PPP2R2B: variants seen among roughly 807,000 people sequenced by gnomAD.
The protein encoded by PPP2R2B is serine/threonine-protein phosphatase 2A 55 kDa regulatory subunit B beta isoform.
PPP2R2B carries 5 observed loss-of-function variants against 46.0 expected under a neutral mutation model. The ratio of observed to expected loss-of-function variants is 0.11; its 90% CI spans 0.06 to 0.23. The LOEUF (loss-of-function observed/expected upper bound fraction) is 0.23. Among genes scored for constraint, PPP2R2B ranks in the 10% least tolerant of loss-of-function variants. The pLI is 1.00. For synonymous variants in PPP2R2B, 215 were observed against 206.7 expected (o/e 1.04, Z -0.34); for missense variants, 367 against 575.0 (o/e 0.64, Z 3.70).
At position 146,787,773 on chromosome 5, in the gene PPP2R2B, G is replaced by A. The variant is rs527795784; in HGVS notation, c.71-86631C>T. Among the ~76,000 whole-genome samples the A allele has an allele frequency of 3.3e-5, 5 of 152,104 alleles. No individual in the cohort carries two copies. In the South Asian group the frequency reaches 1.0e-3, roughly 32 times the overall value. ...AGTAAAGATGGGGTTTCACCATGTTGGTCAGGCTAGTCTCGAACTCCTGAC... is the reference window on the plus strand; with the variant it reads ...AGTAAAGATGGGGTTTCACCATGTTAGTCAGGCTAGTCTCGAACTCCTGAC... On this transcript the variant is annotated intron_variant, in intron 2 of 9. Transcript: ENST00000394411.
intron 1 of PPP2R2B, among the ~76,000 whole-genome samples, chr5:146,893,766 G>A (rs1371225617): frequency 4.6e-5 from 7 of 152,034 alleles, no homozygotes; most frequent in African/African-American, 1.7e-4. Flanking sequence ...TAATGCATGC[G>A]GGGCTTAAAA....
In PPP2R2B at chr5:146,840,746, T is replaced by C. The variant is rs1477493759; in HGVS notation, c.70+37256A>G. 3.3e-5 allele frequency among the ~76,000 whole-genome samples: 5 copies of C among 152,368 alleles called. No homozygotes were observed. In the South Asian group the frequency reaches 8.3e-4, roughly 25 times the overall value. ...TAATTACCAGCCAGCAAGTATAGTATATGTAGCATAGAAATCAAAGATATA... is the reference window on the plus strand; with the variant it reads ...TAATTACCAGCCAGCAAGTATAGTACATGTAGCATAGAAATCAAAGATATA... On this transcript the variant is annotated intron_variant, in intron 2 of 9. Coordinates refer to ENST00000394411, the MANE Select transcript of PPP2R2B (RefSeq NM_181675.4).
At chr5:147,018,513 T>C (rs1329938131) in intron 1 of PPP2R2B, among the ~76,000 whole-genome samples, 2 of 152,216 alleles carry the variant, frequency 1.3e-5, no homozygotes, top group Non-Finnish European at 2.9e-5. Flanking sequence ...GAAAATCAAA[T>C]ATATTTGTCA....
chr5:146,962,849 C>T (rs1303679540), intron 1 of PPP2R2B, among the ~76,000 whole-genome samples: 1 of 152,066 alleles, frequency 6.6e-6, no homozygotes, highest in Non-Finnish European at 1.5e-5. Flanking sequence ...TGACTTCAAA[C>T]TCATTTTTAT....
chr5:146,984,499 GAC>G (rs879557584), intron 1 of PPP2R2B, among the ~76,000 whole-genome samples: 1 of 152,158 alleles, frequency 6.6e-6, no homozygotes, highest in Non-Finnish European at 1.5e-5. Context: ...TGGACACTTA[GAC>G]TGATTCCATA....
chr5:147,074,220 C>G (rs2151912140), intron 2 of PPP2R2B, among the ~76,000 whole-genome samples: 1 of 152,178 alleles, frequency 6.6e-6, no homozygotes, highest in South Asian at 2.1e-4. Context: ...CCTAAGGTCA[C>G]TAAGTGGGTA....
At position 146,639,206 on chromosome 5, in the gene PPP2R2B, T is replaced by C. The variant is rs1049812314; in HGVS notation, c.626-791A>G. ...TCTCATGTATGATATATAAGACTTC[T>C]AGTCTCTGTAAGTTGTGATCTGCTT... On this transcript the variant is annotated intron_variant, in intron 6 of 9. Transcript: ENST00000394411. Among the ~76,000 whole-genome samples the C allele has an allele frequency of 3.3e-5, 5 of 152,346 alleles. No individual in the cohort carries two copies. The South Asian group carries it at 8.3e-4, about 25-fold the overall frequency.
chr5:147,035,157 T>A (rs961824893), intron 1 of PPP2R2B: 3 of 454,576 alleles, frequency 6.6e-6, no homozygotes, highest in Middle Eastern at 3.3e-4. Context: ...AAGAAAAGTT[T>A]AATTGACTCA....
chr5:146,673,971 T>C (rs1181629527), intron 5 of PPP2R2B, among the ~76,000 whole-genome samples: 1 of 152,184 alleles, frequency 6.6e-6, no homozygotes, highest in African/African-American at 2.4e-5. Context: ...TTGAGGTCAG[T>C]ATGTCTTAGG....
chr5:146,700,962 G>T, intron 3 of PPP2R2B, 83 bp downstream of exon 3: 1 of 1,253,442 alleles, frequency 8.0e-7, no homozygotes, highest in Non-Finnish European at 1.2e-6. Context: ...AAGGTTAAGG[G>T]CGACACATAA....
intron 1 of PPP2R2B, among the ~76,000 whole-genome samples, chr5:146,962,613 C>T (rs567066532): frequency 2.6e-5 from 4 of 151,860 alleles, no homozygotes; most frequent in African/African-American, 9.7e-5. Flanking sequence ...GCCAAGATCA[C>T]GCCATTGCAC....
intron 7 of PPP2R2B, among the ~76,000 whole-genome samples, chr5:146,606,817 C>T (rs188359313): frequency 2.7e-4 from 41 of 152,268 alleles, no homozygotes; most frequent in Non-Finnish European, 3.4e-4. Context: ...ATGTCACCCC[C>T]ACCCTGGCTG....
intron 2 of PPP2R2B, among the ~76,000 whole-genome samples, chr5:147,080,223 G>A (rs1757934090): frequency 6.6e-6 from 1 of 152,192 alleles, no homozygotes; most frequent in African/African-American, 2.4e-5. Flanking sequence ...GTTAGTTTGA[G>A]TATAGTGTTC....
At chr5:146,792,129 G>C (rs1189757084) in intron 2 of PPP2R2B, among the ~76,000 whole-genome samples, 1 of 152,170 alleles carries the variant, frequency 6.6e-6, no homozygotes, top group Non-Finnish European at 1.5e-5. Context: ...AGAGGACAGA[G>C]ACTATTGAAC....
intron 5 of PPP2R2B, among the ~76,000 whole-genome samples, chr5:146,655,795 A>G (rs983032900): frequency 6.6e-6 from 1 of 151,470 alleles, no homozygotes; most frequent in Non-Finnish European, 1.5e-5. Flanking sequence ...CCCAGGCCGT[A>G]TGAACCAAAC....
At chr5:146,759,457 G>T (rs1371312141) in intron 2 of PPP2R2B, among the ~76,000 whole-genome samples, 3 of 152,164 alleles carry the variant, frequency 2.0e-5, no homozygotes, top group African/African-American at 7.2e-5. Context: ...GCACATTACT[G>T]ACATGTTTAG....
At chr5:147,067,422 G>C (rs1757446766) in intron 2 of PPP2R2B, among the ~76,000 whole-genome samples, 1 of 152,046 alleles carries the variant, frequency 6.6e-6, no homozygotes, top group Non-Finnish European at 1.5e-5. Flanking sequence ...GCCTTTCTGT[G>C]CCTGTCTTGC....
chr5:146,585,649 T>C lies in PPP2R2B; in HGVS notation c.*4298A>G, dbSNP rs1482293707. 2 of 152,216 alleles carry C rather than the reference T, an allele frequency of 1.3e-5. No homozygotes were observed. Among genetic ancestry groups the C allele is most frequent in the Non-Finnish European group, 2.9e-5 (2 of 68,034 alleles). The allele number at this position is 152,216 out of a possible 1,614,324, so 9.4% of individuals were successfully genotyped here. On this transcript the variant is annotated 3_prime_UTR_variant, in exon 10 of 10. Coordinates refer to ENST00000394411, the MANE Select transcript of PPP2R2B (RefSeq NM_181675.4). Reference sequence around the variant, plus strand: ...GCTAGGTTGACAACTTGAGTCTATTTTCTCATTTGCAAAATGGAAATACTA... The same window carrying C: ...GCTAGGTTGACAACTTGAGTCTATTCTCTCATTTGCAAAATGGAAATACTA...
rs532635455 is a variant in PPP2R2B at position 146,628,363 on chromosome 5, T to C, written c.790+9888A>G. Among the ~76,000 whole-genome samples the C allele has an allele frequency of 1.6e-3, 242 of 152,306 alleles. 3 individuals are homozygous for C. The highest frequency in any genetic ancestry group is 5.6e-3 in the African/African-American group (233 of 41,566). ...TGTCATCCGAAGGAGGGGATTTCTG[T>C]GGCCAATCCTTGGGCTGCAGACTTG... On this transcript the variant is annotated intron_variant, in intron 7 of 9. Coordinates refer to ENST00000394411, the MANE Select transcript of PPP2R2B (RefSeq NM_181675.4).
Sources: gnomAD v4.1 joint callset for allele counts (sites outside exome capture counted in the v4.1 genomes callset) on GRCh38, gnomAD v4.1.1 for gene constraint, MANE v1.5 for transcripts, NCBI Gene and HGNC (gene_info 2026-07-23, HGNC 2026-07-21) for gene names.